The following SNRNP48 variants were observed in gnomAD, a reference collection of about 807,000 sequenced individuals.
The protein encoded by SNRNP48 is small nuclear ribonucleoprotein U11/U12 subunit 48.
In SNRNP48, 43 loss-of-function variants were observed where a neutral mutation model predicts 47.0. The observed-to-expected ratio is 0.92, with a 90% CI of 0.72 to 1.18. The LOEUF is 1.18. Ranked by LOEUF, SNRNP48 falls within the 50% of genes most tolerant of loss-of-function variation. SNRNP48 has a pLI of 0.00. For synonymous variants in SNRNP48, 138 were observed against 144.0 expected (o/e 0.96, Z 0.30); for missense variants, 396 against 422.2 (o/e 0.94, Z 0.54).
chr6:7,595,357 G>A (rs1207013811), intron 4 of SNRNP48, among the ~76,000 whole-genome samples: 1 of 149,552 alleles, frequency 6.7e-6, no homozygotes, highest in African/African-American at 2.5e-5. Flanking sequence ...CGATTTATAG[G>A]TGAGATTGTC....
chr6:7,610,462 T>C lies in SNRNP48; in HGVS notation c.*1589T>C, dbSNP rs1760213427. Reference sequence around the variant, plus strand: ...AGTGACTGATGAATCATGAAATTGCTGCTTTTATAGATCAAAACTACTTGA... The same window carrying C: ...AGTGACTGATGAATCATGAAATTGCCGCTTTTATAGATCAAAACTACTTGA... On this transcript the variant is annotated 3_prime_UTR_variant, in exon 9 of 9. Coordinates refer to ENST00000342415, the MANE Select transcript of SNRNP48 (RefSeq NM_152551.4). 3 of 152,268 alleles carry C rather than the reference T, an allele frequency of 2.0e-5. No homozygotes were observed. In the South Asian group the frequency reaches 6.2e-4, roughly 32 times the overall value. 9.4% of individuals were successfully genotyped at this position (152,268 alleles called of 1,614,324 possible). A position where few individuals can be genotyped will look rare whatever the true frequency, so the allele number is the denominator to read the frequency against.
intron 1 of SNRNP48, among the ~76,000 whole-genome samples, chr6:7,591,139 C>T (rs1368251904): frequency 6.6e-6 from 1 of 152,142 alleles, no homozygotes; most frequent in Non-Finnish European, 1.5e-5. Context: ...GCACCAGATT[C>T]GGTGTCAGGA....
chr6:7,602,726 C>T lies in SNRNP48; in HGVS notation c.699C>T (p.Thr233=). The change falls in exon 6 of 9, where the codon ACC becomes ACT. Residue 233 remains threonine (T), a synonymous_variant. Coordinates refer to ENST00000342415, the MANE Select transcript of SNRNP48 (RefSeq NM_152551.4). ...ATAGAGCCAAGAATGTTCACATAAC[C>T]AAGAAATCATATACTGAGGTAAGTT... ...QSYRAKNVHI[T]KKSYTEVIRD... 6.3e-7 allele frequency: 1 copy of T among 1,582,432 alleles called. No homozygotes were observed. Among genetic ancestry groups the T allele is most frequent in the Non-Finnish European group, 8.6e-7 (1 of 1,167,564 alleles).
At position 7,606,171 on chromosome 6, in the gene SNRNP48, G is replaced by A. The variant is rs1196614541; in HGVS notation, c.947G>A (p.Cys316Tyr). Residue 316 changes from cysteine (C) to tyrosine (Y), a missense_variant, in exon 8 of 9, where the codon TGT becomes TAT. Cys to Tyr is a radical substitution (Grantham distance 194). Transcript: ENST00000342415. ...RKRNKDKDKN[C>Y]ESRRRKERDG... ...AGAAACAAAGATAAGGATAAAAACT[G>A]TGAGTCGAGAAGAAGGAAAGAGAGG... 1 of 1,612,042 alleles carries A rather than the reference G, an allele frequency of 6.2e-7. No homozygotes were observed. Among genetic ancestry groups the A allele is most frequent in the Admixed American group, 1.7e-5 (1 of 59,544 alleles).
At chr6:7,603,007 T>A (rs1760059483) in intron 6 of SNRNP48, among the ~76,000 whole-genome samples, 1 of 152,200 alleles carries the variant, frequency 6.6e-6, no homozygotes, top group Non-Finnish European at 1.5e-5. Flanking sequence ...GGTAAGAGCA[T>A]GAGTTTGGGT....
rs2113726794 is a variant in SNRNP48 at position 7,610,371 on chromosome 6, G to A, written c.*1498G>A. The A allele has an allele frequency of 6.6e-6, 1 of 152,262 alleles. No individual in the cohort carries two copies. The highest frequency in any genetic ancestry group is 3.4e-3 in the Middle Eastern group (1 of 294). The allele number at this position is 152,262 out of a possible 1,614,324, so 9.4% of individuals were successfully genotyped here. A position where few individuals can be genotyped will look rare whatever the true frequency, so the allele number is the denominator to read the frequency against. On this transcript the variant is annotated 3_prime_UTR_variant, in exon 9 of 9. Transcript: ENST00000342415. ...CTTGCCAATATATAGTCATATTGCTGCCATTGTACTTAATTTCTAAATATA... is the reference window on the plus strand; with the variant it reads ...CTTGCCAATATATAGTCATATTGCTACCATTGTACTTAATTTCTAAATATA...
rs1339300973 is a variant in SNRNP48 at position 7,610,814 on chromosome 6, A to C, written c.*1941A>C. On this transcript the variant is annotated 3_prime_UTR_variant, in exon 9 of 9. Coordinates refer to ENST00000342415, the MANE Select transcript of SNRNP48 (RefSeq NM_152551.4). ...TTTGATCCTTGAACGAATTAATCTC[A>C]CGTACTTCCCTGTTTGTGGTTTGAG... is the stretch of plus-strand genomic sequence containing the variant. The C allele has an allele frequency of 6.6e-6, 1 of 152,122 alleles. No homozygotes were observed. Among genetic ancestry groups the C allele is most frequent in the Non-Finnish European group, 1.5e-5 (1 of 68,026 alleles). The allele number at this position is 152,122 out of a possible 1,614,324, so 9.4% of individuals were successfully genotyped here.
At chr6:7,590,750 G>A (rs751724076) in intron 1 of SNRNP48, among the ~76,000 whole-genome samples, 1 of 152,248 alleles carries the variant, frequency 6.6e-6, no homozygotes, top group East Asian at 1.9e-4. Flanking sequence ...GGCCAAGGCG[G>A]GAGGATCCCT....
Position 7,594,116 on chromosome 6 carries a change from T to C in SNRNP48, c.288T>C (p.Pro96=). ...TKEEEDEMYN[P]EFFYENVKIP... ...TTTTTCAGGATGAAATGTATAATCC[T>C]GAGTTTTTCTATGAAAATGTGAAGA... Residue 96 remains proline (P), a synonymous_variant, in exon 3 of 9, where the codon CCT becomes CCC. Coordinates refer to ENST00000342415, the MANE Select transcript of SNRNP48 (RefSeq NM_152551.4). 1 of 1,432,374 alleles carries C rather than the reference T, an allele frequency of 7.0e-7. No homozygotes were observed. The highest frequency in any genetic ancestry group is 9.5e-7 in the Non-Finnish European group (1 of 1,056,548). 88.7% of individuals were successfully genotyped at this position (1,432,374 alleles called of 1,614,324 possible).
chr6:7,594,785 G>A (rs961591309), intron 3 of SNRNP48, among the ~76,000 whole-genome samples: 5 of 152,138 alleles, frequency 3.3e-5, no homozygotes, highest in East Asian at 3.8e-4. Flanking sequence ...AAAATTTGTC[G>A]CTGCTACTGC....
chr6:7,594,935 G>T, intron 3 of SNRNP48, 92 bp from the exon 4 acceptor site: 1 of 1,057,256 alleles, frequency 9.5e-7, no homozygotes, highest in Non-Finnish European at 1.4e-6. Context: ...TTGTCCACGT[G>T]CCCAAAGGGC....
chr6:7,600,134 TC>T (rs1759984648), intron 4 of SNRNP48: 2 of 993,384 alleles, frequency 2.0e-6, no homozygotes. Flanking sequence ...AACCCTTTTT[TC>T]CCCATTAATT....
Position 7,601,482 on chromosome 6 carries a change from G to T in SNRNP48, c.553G>T (p.Asp185Tyr). Reference protein sequence around the residue: ...KRSDSQIIENDSDLFVDLAAK... With the variant: ...KRSDSQIIENYSDLFVDLAAK... ...CTCTGATTCTCAAATTATTGAAAAT[G>T]ACAGCGATCTCTTTGTAGACTTGGC... is the stretch of plus-strand genomic sequence containing the variant. The change falls in exon 5 of 9, where the codon GAC becomes TAC. Residue 185 changes from aspartate (D) to tyrosine (Y), a missense_variant. Asp to Tyr is a radical substitution (Grantham distance 160). Transcript: ENST00000342415. The T allele has an allele frequency of 6.3e-7, 1 of 1,597,372 alleles. No homozygotes were observed. The highest frequency in any genetic ancestry group is 1.1e-5 in the South Asian group (1 of 87,184).
chr6:7,602,594 A>T, intron 5 of SNRNP48, 29 bp from the exon 6 acceptor site: 2 of 1,514,450 alleles, frequency 1.3e-6, no homozygotes, highest in Non-Finnish European at 1.8e-6. Flanking sequence ...TTTGAAGGAT[A>T]TAATACTTTT....
rs765378169 is a variant in SNRNP48, at chr6:7,601,523, A to G, written c.594A>G (p.Gln198=). ...TAGACTTGGCTGCCAAAATCAATCAAGGTTTGAGATGCACATCATGGCTTT... is the reference window on the plus strand; with the variant it reads ...TAGACTTGGCTGCCAAAATCAATCAGGGTTTGAGATGCACATCATGGCTTT... The part of the protein sequence containing the change: ...LFVDLAAKIN[Q]DNSRKSPKSY... Residue 198 remains glutamine (Q), a splice_region_variant and synonymous_variant, in exon 5 of 9, where the codon CAA becomes CAG. Transcript: ENST00000342415. The G allele has an allele frequency of 5.7e-6, 9 of 1,571,530 alleles. No homozygotes were observed. The Admixed American group carries it at 1.5e-4, about 26-fold the overall frequency.
At chr6:7,590,525 C>T in intron 1 of SNRNP48, 112 bp downstream of exon 1, 3 of 1,171,196 alleles carry the variant, frequency 2.6e-6, no homozygotes, top group South Asian at 4.2e-5. Context: ...AGTCCTCGTC[C>T]GTGTGCAGAG....
At chr6:7,594,276 C>T (rs1759867011) in intron 3 of SNRNP48, 117 bp downstream of exon 3, 3 of 470,840 alleles carry the variant, frequency 6.4e-6, no homozygotes, top group Non-Finnish European at 1.1e-5. Flanking sequence ...CATTTAGTAC[C>T]TTAAGAGAAT....
intron 3 of SNRNP48, among the ~76,000 whole-genome samples, chr6:7,594,621 A>C (rs1434221233): frequency 6.6e-6 from 1 of 152,170 alleles, no homozygotes; most frequent in East Asian, 1.9e-4. Flanking sequence ...TATAAAATGG[A>C]GATGGTTATA....
chr6:7,606,995 A>G lies in SNRNP48; in HGVS notation c.971+800A>G, dbSNP rs578220721. On this transcript the variant is annotated intron_variant, in intron 8 of 8. Transcript: ENST00000342415. ...TGCATATGATTCCATTCCCTTGTAT[A>G]CTGCTAGAGTGAATAGTCACCTCAT... is the stretch of plus-strand genomic sequence containing the variant. 1.4e-3 allele frequency among the ~76,000 whole-genome samples: 214 copies of G among 152,282 alleles called. 1 individual carries two copies. The highest frequency in any genetic ancestry group is 5.0e-3 in the African/African-American group (206 of 41,560).
Sources: gnomAD v4.1 joint callset for allele counts (sites outside exome capture counted in the v4.1 genomes callset) on GRCh38, gnomAD v4.1.1 for gene constraint, MANE v1.5 for transcripts, NCBI Gene and HGNC (gene_info 2026-07-23, HGNC 2026-07-21) for gene names.